The following PUDP variants were observed in gnomAD, a reference collection of about 807,000 sequenced individuals.
PUDP encodes pseudouridine-5'-phosphatase.
PUDP carries 8 observed loss-of-function variants against 9.4 expected under a neutral mutation model. The observed-to-expected ratio is 0.85, with a 90% confidence interval of 0.50 to 1.53. The LOEUF (loss-of-function observed/expected upper bound fraction) is 1.53. Among genes scored for constraint, PUDP ranks in the 40% most tolerant of loss-of-function variants. The probability of loss-of-function intolerance (pLI) is 0.00; values close to 1 mark genes in which losing one functional copy is unlikely to be tolerated. For missense variants in PUDP, 188 were observed against 189.7 expected, an observed-to-expected ratio of 0.99 and a Z score of 0.05; for synonymous variants, 99 against 80.7, an observed-to-expected ratio of 1.23 and a Z score of -1.22.
intron 3 of PUDP, chrX:7,057,596 G>T: frequency 4.6e-6 from 5 of 1,090,332 alleles, no homozygotes; most frequent in East Asian, 3.3e-5. Context: ...CCATTTTGGT[G>T]GCAGGAAGGA....
intron 3 of PUDP, among the ~76,000 whole-genome samples, chrX:6,953,256 T>C (rs1351179314): frequency 8.9e-6 from 1 of 111,859 alleles, no homozygotes; most frequent in African/African-American, 3.2e-5. Context: ...GTTTTCAATT[T>C]ATTTCTAATT....
At chrX:6,897,253 A>G (rs1927605932) in intron 3 of PUDP, among the ~76,000 whole-genome samples, 1 of 112,185 alleles carries the variant, frequency 8.9e-6, no homozygotes, top group African/African-American at 3.2e-5. Context: ...TCTACATGAC[A>G]TAACTCAATA....
intron 1 of PUDP, among the ~76,000 whole-genome samples, chrX:6,721,260 G>A (rs1479873385): frequency 2.7e-5 from 3 of 111,650 alleles, no homozygotes; most frequent in Non-Finnish European, 3.8e-5. Context: ...TAGAAATTAC[G>A]CCAGCTTTTC....
intron 1 of PUDP, among the ~76,000 whole-genome samples, chrX:7,141,688 A>T (rs1056533519): frequency 1.8e-5 from 2 of 111,988 alleles, no homozygotes; most frequent in Non-Finnish European, 1.9e-5. Flanking sequence ...ATTGGAAGAA[A>T]ATGCCACCCA....
At position 7,105,597 on chromosome X, in the gene PUDP, TGCAAACAGCGAGGCAACCGCACCTG is replaced by T. The variant is rs1416239543; in HGVS notation, c.278_280+22del. 1 of 1,138,838 alleles carries T rather than the reference TGCAAACAGCGAGGCAACCGCACCTG, an allele frequency of 8.8e-7. No homozygotes were observed. Among genetic ancestry groups the T allele is most frequent in the African/African-American group, 1.8e-5 (1 of 56,138 alleles). The allele number at this position is 1,138,838 out of a possible 1,213,427, so 93.9% of individuals were successfully genotyped here. ...TTGCTAATAGTCACAAACATAACCC[TGCAAACAGCGAGGCAACCGCACCTG>T]GCATGAGCGCAGCCGTGGGGAACAC... On this transcript the variant is annotated splice_donor_variant and splice_donor_5th_base_variant and coding_sequence_variant and intron_variant, in exon 2 of 4. Transcript: ENST00000381077. LOFTEE classifies it high-confidence loss of function.
intron 1 of PUDP, among the ~76,000 whole-genome samples, chrX:7,028,696 G>T (rs1929751563): frequency 8.9e-6 from 1 of 111,859 alleles, no homozygotes; most frequent in South Asian, 3.8e-4. Flanking sequence ...GGTAAAAAGG[G>T]CTGCTTGAAA....
chrX:7,120,415 C>T (rs1328711836), intron 1 of PUDP, among the ~76,000 whole-genome samples: 3 of 110,761 alleles, frequency 2.7e-5, no homozygotes, highest in Admixed American at 9.6e-5. Context: ...AGGAAACAGC[C>T]AATACCCCAC....
chrX:7,145,836 T>A (rs1426827807), intron 1 of PUDP, among the ~76,000 whole-genome samples: 1 of 111,838 alleles, frequency 8.9e-6, no homozygotes, highest in East Asian at 2.8e-4. Flanking sequence ...CAGAACTTCC[T>A]AGAAAAATGC....
At chrX:7,063,509 C>T (rs1244423382) in intron 3 of PUDP, among the ~76,000 whole-genome samples, 1 of 111,887 alleles carries the variant, frequency 8.9e-6, no homozygotes, top group African/African-American at 3.2e-5. Context: ...CGTTCACACA[C>T]CTATCCAGTT....
At position 6,712,442 on chromosome X, in the gene PUDP, G is replaced by A. The variant is rs190470046; in HGVS notation, n.129-5976C>T. Among the ~76,000 whole-genome samples, 6 of 112,162 alleles carry A rather than the reference G, an allele frequency of 5.3e-5. 1 individual carries two copies. The Admixed American group carries it at 5.7e-4, about 11-fold the overall frequency. On this transcript the variant is annotated intron_variant and non_coding_transcript_variant, in intron 1 of 2. Coordinates refer to the PUDP transcript ENST00000438499. ...TGGGATTGCAGGCATGAGCCACCAC[G>A]CCCAGCCTATGAGCCAAATTCTAGT...
intron 3 of PUDP, among the ~76,000 whole-genome samples, chrX:6,897,562 G>A (rs1927610458): frequency 9.0e-6 from 1 of 111,174 alleles, no homozygotes; most frequent in Admixed American, 9.6e-5. Flanking sequence ...ACCTTGGGCA[G>A]GTCGTTTAAC....
Position 6,748,471 on chromosome X carries a change from T to C in PUDP, c.*248-42005A>G, listed in dbSNP as rs1184661694. 4.5e-5 allele frequency among the ~76,000 whole-genome samples: 5 copies of C among 111,833 alleles called. No homozygotes were observed. In the Admixed American group the frequency reaches 4.7e-4, roughly 11 times the overall value. On this transcript the variant is annotated intron_variant and NMD_transcript_variant, in intron 3 of 3. Transcript: ENST00000655425. ...TAAACATCACTGAATAGACTCGTTG[T>C]TCAGTATGTCTCAAAGACCTGAACA...
chrX:6,883,592 C>T (rs1927380865), intron 3 of PUDP, among the ~76,000 whole-genome samples: 1 of 109,515 alleles, frequency 9.1e-6, no homozygotes, highest in Admixed American at 9.8e-5. Context: ...TCTCATTGAT[C>T]CTATTACACA....
At chrX:6,897,087 T>G (rs756175938) in intron 3 of PUDP, among the ~76,000 whole-genome samples, 115 of 111,461 alleles carry the variant, frequency 1.0e-3, no homozygotes, top group Non-Finnish European at 1.8e-3. Flanking sequence ...GACAGACCCA[T>G]TGCTTGCCCT....
At chrX:6,906,951 G>A (rs1927775884) in intron 3 of PUDP, among the ~76,000 whole-genome samples, 1 of 111,509 alleles carries the variant, frequency 9.0e-6, no homozygotes, top group Non-Finnish European at 1.9e-5. Context: ...AATGTGCTAA[G>A]CAGTCGGTTT....
In PUDP at chrX:7,115,490, C is replaced by T. The variant is rs187695864; in HGVS notation, c.62-9652G>A. On this transcript the variant is annotated intron_variant, in intron 1 of 3. Transcript: ENST00000381077. ...ATAAGGGTCAATTTCCAAAAACCAACTTTCGGTCAGTAAGTAGCACAGCAA... is the reference window on the plus strand; with the variant it reads ...ATAAGGGTCAATTTCCAAAAACCAATTTTCGGTCAGTAAGTAGCACAGCAA... Among the ~76,000 whole-genome samples, 143 of 112,379 alleles carry T rather than the reference C, an allele frequency of 1.3e-3. 1 individual carries two copies. The highest frequency in any genetic ancestry group is 8.8e-4 in the Non-Finnish European group (47 of 53,310).
intron 3 of PUDP, among the ~76,000 whole-genome samples, chrX:6,788,624 G>A (rs749324134): frequency 1.8e-5 from 2 of 111,674 alleles, no homozygotes; most frequent in Non-Finnish European, 3.8e-5. Context: ...AGGATTACTT[G>A]AGCCCGGGAG....
chrX:6,729,716 G>A (rs779325465), intron 3 of PUDP, among the ~76,000 whole-genome samples: 2 of 110,063 alleles, frequency 1.8e-5, no homozygotes, highest in Non-Finnish European at 3.8e-5. Context: ...TTCGTTACAC[G>A]CCCGGACACG....
At chrX:6,939,391 TTAA>T (rs1021410169) in intron 3 of PUDP, among the ~76,000 whole-genome samples, 1 of 107,195 alleles carries the variant, frequency 9.3e-6, no homozygotes, top group Non-Finnish European at 1.9e-5. Context: ...ATATATATTA[TTAA>T]TATTATTAAT....
Sources: gnomAD v4.1 joint callset for allele counts (sites outside exome capture counted in the v4.1 genomes callset) on GRCh38, gnomAD v4.1.1 for gene constraint, MANE v1.5 for transcripts, NCBI Gene and HGNC (gene_info 2026-07-23, HGNC 2026-07-21) for gene names.